GLG1: variants seen among roughly 807,000 people sequenced by gnomAD.
GLG1 encodes the protein Golgi apparatus protein 1.
In GLG1, 38 loss-of-function variants were observed where a neutral mutation model predicts 160.5. That is an observed-to-expected ratio of 0.24 (90% confidence interval 0.18 to 0.31). The LOEUF (loss-of-function observed/expected upper bound fraction) is 0.31. GLG1 is among the 10% of genes least tolerant of loss of function. The pLI, the probability that GLG1 is intolerant of heterozygous loss-of-function variation, is 1.00. For missense variants in GLG1, 1,373 were observed against 1,505.2 expected (o/e 0.91, Z 1.45); for synonymous variants, 644 against 543.4 (o/e 1.19, Z -2.57).
intron 1 of GLG1, among the ~76,000 whole-genome samples, chr16:74,584,912 A>AAAAC (rs5817917): frequency 0.71 from 106,194 of 150,380 alleles, 38,120 homozygotes; most frequent in African/African-American, 0.83. Flanking sequence ...GAGACTTGTA[A>AAAAC]AAACAAACAA....
intron 1 of GLG1, among the ~76,000 whole-genome samples, chr16:74,600,731 CAAAAAAAAAA>C (rs56122377): frequency 6.2e-5 from 7 of 112,604 alleles, no homozygotes; most frequent in Admixed American, 4.4e-4. Flanking sequence ...GATTCCACCT[CAAAAAAAAAA>C]AAAAAAAAAA....
At position 74,473,237 on chromosome 16, in the gene GLG1, G is replaced by A. The variant is rs535900120; in HGVS notation, c.2053-826C>T. Among the ~76,000 whole-genome samples the A allele has an allele frequency of 1.5e-4, 22 of 151,422 alleles. No individual in the cohort carries two copies. The South Asian group carries it at 3.1e-3, about 22-fold the overall frequency. On this transcript the variant is annotated intron_variant, in intron 13 of 25. Transcript: ENST00000422840. ...TTTTTTTTTTTCTTTTTATTGAGAC[G>A]GAGTCTGGCTCTGTGGCCCAGGCGG... is the stretch of plus-strand genomic sequence containing the variant.
Position 74,451,934 on chromosome 16 carries a change from G to C in GLG1, c.*1233C>G. 1.3e-6 allele frequency: 1 copy of C among 762,502 alleles called. No individual in the cohort carries two copies. Among genetic ancestry groups the C allele is most frequent in the Non-Finnish European group, 2.3e-6 (1 of 438,548 alleles). 47.2% of individuals were successfully genotyped at this position (762,502 alleles called of 1,614,324 possible). A position where few individuals can be genotyped will look rare whatever the true frequency, so the allele number is the denominator to read the frequency against. The stretch of plus-strand genomic sequence containing the variant: ...ACTAGAGTGGGTACACGCAGCAAAT[G>C]GACAGAAAGAAAAAAAACAGAGCAA... On this transcript the variant is annotated 3_prime_UTR_variant, in exon 26 of 26. Transcript: ENST00000422840.
At chr16:74,600,350 G>A (rs934162061) in intron 1 of GLG1, among the ~76,000 whole-genome samples, 1 of 151,220 alleles carries the variant, frequency 6.6e-6, no homozygotes, top group Non-Finnish European at 1.5e-5. Flanking sequence ...CCATGATCAT[G>A]CCACTGCACT....
At chr16:74,518,727 C>T (rs1026468666) in intron 2 of GLG1, among the ~76,000 whole-genome samples, 1 of 152,138 alleles carries the variant, frequency 6.6e-6, no homozygotes, top group Admixed American at 6.5e-5. Context: ...AGCTTCTGCA[C>T]AGCAAAAGAA....
intron 9 of GLG1, among the ~76,000 whole-genome samples, chr16:74,484,629 C>T (rs543690156): frequency 2.6e-5 from 4 of 152,082 alleles, no homozygotes; most frequent in Non-Finnish European, 5.9e-5. Flanking sequence ...GGCATGGTGT[C>T]ATGTGCCTGC....
chr16:74,584,799 C>T (rs1958010584), intron 1 of GLG1, among the ~76,000 whole-genome samples: 1 of 151,992 alleles, frequency 6.6e-6, no homozygotes, highest in Non-Finnish European at 1.5e-5. Flanking sequence ...GCCTGTAGTC[C>T]CAGCTACTTG....
chr16:74,500,638 A>T (rs1414352540), intron 4 of GLG1, among the ~76,000 whole-genome samples: 1 of 152,176 alleles, frequency 6.6e-6, no homozygotes, highest in East Asian at 1.9e-4. Flanking sequence ...GAATTACTCA[A>T]ATTAACTGGT....
chr16:74,574,883 C>CCAAAAAAAAA (rs2018943637), intron 1 of GLG1, among the ~76,000 whole-genome samples: 1 of 24,792 alleles, frequency 4.0e-5, no homozygotes, highest in Non-Finnish European at 5.8e-5. Context: ...GACTCTGTCT[C>CCAAAAAAAAA]AAAAAAAAAA....
At chr16:74,505,695 A>G (rs1178818462) in intron 3 of GLG1, among the ~76,000 whole-genome samples, 1 of 152,196 alleles carries the variant, frequency 6.6e-6, no homozygotes, top group Non-Finnish European at 1.5e-5. Context: ...TCTCTAATAA[A>G]ATACAAAAAA....
At chr16:74,539,350 G>C (rs1490120054) in intron 1 of GLG1, among the ~76,000 whole-genome samples, 1 of 152,106 alleles carries the variant, frequency 6.6e-6, no homozygotes, top group African/African-American at 2.4e-5. Context: ...GACGGGGAAA[G>C]ACCCTCACAG....
chr16:74,519,559 G>T (rs2017093787), intron 2 of GLG1, among the ~76,000 whole-genome samples: 1 of 39,298 alleles, frequency 2.5e-5, no homozygotes, highest in Admixed American at 4.6e-4. Flanking sequence ...TATGTTACTG[G>T]TTTTTGAAAA....
rs553661647 is a variant in GLG1 at position 74,561,929 on chromosome 16, G to A, written c.439-29776C>T. Among the ~76,000 whole-genome samples, 3 of 152,284 alleles carry A rather than the reference G, an allele frequency of 2.0e-5. No homozygotes were observed. In the South Asian group the frequency reaches 6.2e-4, roughly 32 times the overall value. On this transcript the variant is annotated intron_variant, in intron 1 of 25. Coordinates refer to ENST00000422840, the MANE Select transcript of GLG1 (RefSeq NM_001145667.2). Reference sequence around the variant, plus strand: ...CTCTAAATCGCTAAAAATGGTTTATGACCAAGGTTTGGCTTATCAAACCTA... The same window carrying A: ...CTCTAAATCGCTAAAAATGGTTTATAACCAAGGTTTGGCTTATCAAACCTA...
chr16:74,546,335 T>C (rs1406801431), intron 1 of GLG1, among the ~76,000 whole-genome samples: 1 of 149,966 alleles, frequency 6.7e-6, no homozygotes, highest in African/African-American at 2.5e-5. Context: ...GCTCCTTGGG[T>C]GGGGGGCGCT....
chr16:74,515,879 A>C (rs1301451286), intron 2 of GLG1, among the ~76,000 whole-genome samples: 1 of 149,660 alleles, frequency 6.7e-6, no homozygotes, highest in Non-Finnish European at 1.5e-5. Flanking sequence ...GGAAAACAAA[A>C]AAAGGCAGGG....
intron 19 of GLG1, 85 bp downstream of exon 19, chr16:74,465,591 C>A: frequency 1.4e-6 from 2 of 1,390,152 alleles, no homozygotes; most frequent in South Asian, 2.5e-5. Context: ...TTTGAGAAAG[C>A]TGAGCCTGAG....
At chr16:74,482,932 C>A in intron 10 of GLG1, 91 bp downstream of exon 10, 1 of 773,336 alleles carries the variant, frequency 1.3e-6, no homozygotes, top group Non-Finnish European at 2.3e-6. Flanking sequence ...AAAAGAGTTT[C>A]CTACTGATTA....
chr16:74,490,356 C>T (rs2015938854), intron 8 of GLG1, among the ~76,000 whole-genome samples: 1 of 152,202 alleles, frequency 6.6e-6, no homozygotes, highest in Non-Finnish European at 1.5e-5. Context: ...AGGACTCCCA[C>T]CATGGCACAC....
At chr16:74,567,585 G>A (rs1323665126) in intron 1 of GLG1, among the ~76,000 whole-genome samples, 1 of 120,730 alleles carries the variant, frequency 8.3e-6, no homozygotes, top group Non-Finnish European at 1.7e-5. Flanking sequence ...TTTTTGAGAC[G>A]GAGTCTCGCT....
Sources: gnomAD v4.1 joint callset for allele counts (sites outside exome capture counted in the v4.1 genomes callset) on GRCh38, gnomAD v4.1.1 for gene constraint, MANE v1.5 for transcripts, NCBI Gene and HGNC (gene_info 2026-07-23, HGNC 2026-07-21) for gene names.